Variants in GRAP2 observed in about 807,000 individuals in gnomAD.
GRAP2 encodes GRB2-related adapter protein 2.
Under a neutral mutation model 43.5 loss-of-function variants are expected in GRAP2, and 31 were observed. That is an observed-to-expected ratio of 0.71 (90% confidence interval 0.54 to 0.96). The LOEUF (loss-of-function observed/expected upper bound fraction) is 0.96. Ranked by LOEUF, GRAP2 falls within the 40% of genes least tolerant of loss-of-function variation. The probability of loss-of-function intolerance (pLI) is 0.00; values close to 1 mark genes in which losing one functional copy is unlikely to be tolerated. For missense variants in GRAP2, 371 were observed against 424.4 expected (o/e 0.87, Z 1.11); for synonymous variants, 156 against 164.8 (o/e 0.95, Z 0.41).
chr22:39,929,222 A>G (rs192242806), intron 1 of GRAP2, among the ~76,000 whole-genome samples: 1 of 152,316 alleles, frequency 6.6e-6, no homozygotes, highest in Admixed American at 6.5e-5. Flanking sequence ...GGTGAAGAGT[A>G]CAGGGGACCT....
At chr22:39,943,109 G>A (rs1446767077) in intron 1 of GRAP2, among the ~76,000 whole-genome samples, 1 of 152,170 alleles carries the variant, frequency 6.6e-6, no homozygotes, top group Non-Finnish European at 1.5e-5. Context: ...AGCCAACTTA[G>A]GAGGAGCTGA....
chr22:39,931,646 A>G (rs1392645556), intron 1 of GRAP2, among the ~76,000 whole-genome samples: 1 of 152,160 alleles, frequency 6.6e-6, no homozygotes, highest in African/African-American at 2.4e-5. Flanking sequence ...AGCATGGAAA[A>G]ATTTGACGAG....
intron 1 of GRAP2, among the ~76,000 whole-genome samples, chr22:39,906,459 G>A (rs2066523900): frequency 6.6e-6 from 1 of 152,038 alleles, no homozygotes; most frequent in Non-Finnish European, 1.5e-5. Context: ...AAAAGGGTTC[G>A]ACTGCTGAGT....
At chr22:39,911,621 A>C (rs1378042744) in intron 1 of GRAP2, among the ~76,000 whole-genome samples, 1 of 152,098 alleles carries the variant, frequency 6.6e-6, no homozygotes, top group Non-Finnish European at 1.5e-5. Flanking sequence ...CCCTGAGAGC[A>C]GTTTTTTTGT....
chr22:39,969,671 T>G, intron 7 of GRAP2, 138 bp downstream of exon 7: 1 of 873,144 alleles, frequency 1.1e-6, no homozygotes, highest in East Asian at 3.0e-5. Flanking sequence ...CCCAACACTT[T>G]GGGAGGCCAA....
chr22:39,965,930 C>A, intron 4 of GRAP2, 60 bp from the exon 5 acceptor site: 1 of 1,346,282 alleles, frequency 7.4e-7, no homozygotes, highest in Non-Finnish European at 1.1e-6. Context: ...ATGTGAGCAG[C>A]CTGGAGGTGG....
chr22:39,969,473 A>G lies in GRAP2; in HGVS notation c.753A>G (p.Glu251=). ...DGHCGTGLGS[E]MNAALMHRRH... ...ATTGTGGCACCGGCTTGGGCAGTGA[A>G]ATGAATGCGGCCCTCATGCATCGGA... Residue 251 remains glutamate, a synonymous_variant, in exon 7 of 8, where the codon GAA becomes GAG. Transcript: ENST00000344138. The G allele has an allele frequency of 6.2e-7, 1 of 1,614,062 alleles. No individual in the cohort carries two copies. The highest frequency in any genetic ancestry group is 8.5e-7 in the Non-Finnish European group (1 of 1,179,952).
chr22:39,902,487 T>A lies in GRAP2; in HGVS notation c.-15+1157T>A, dbSNP rs116954000. Among the ~76,000 whole-genome samples, 1,219 of 152,252 alleles carry A rather than the reference T, an allele frequency of 8.0e-3. 12 individuals carry two copies. Among genetic ancestry groups the A allele is most frequent in the Non-Finnish European group, 0.013 (886 of 68,002 alleles). ...CACCTAAGTATATTTAATTTTCAAATACGAAAAAAATCTGACTCATACCCT... is the reference window on the plus strand; with the variant it reads ...CACCTAAGTATATTTAATTTTCAAAAACGAAAAAAATCTGACTCATACCCT... On this transcript the variant is annotated intron_variant, in intron 1 of 7. Coordinates refer to ENST00000344138, the MANE Select transcript of GRAP2 (RefSeq NM_004810.4).
intron 1 of GRAP2, among the ~76,000 whole-genome samples, chr22:39,907,401 A>C (rs546896398): frequency 6.6e-6 from 1 of 152,164 alleles, no homozygotes. Flanking sequence ...CCACCCATAT[A>C]TCCTGAATAG....
intron 1 of GRAP2, among the ~76,000 whole-genome samples, chr22:39,943,450 G>C (rs950229353): frequency 6.6e-6 from 1 of 152,296 alleles, no homozygotes; most frequent in Admixed American, 6.5e-5. Flanking sequence ...TTGCGTGACA[G>C]CTCTTAAAGG....
At chr22:39,946,390 A>T (rs956808184) in intron 1 of GRAP2, among the ~76,000 whole-genome samples, 1 of 152,220 alleles carries the variant, frequency 6.6e-6, no homozygotes, top group African/African-American at 2.4e-5. Flanking sequence ...CGACTCATTT[A>T]TCTTTACATG....
At chr22:39,926,582 G>A (rs921635386) in intron 1 of GRAP2, 3 of 984,642 alleles carry the variant, frequency 3.0e-6, no homozygotes, top group African/African-American at 3.5e-5. Flanking sequence ...GCTCTAGCTG[G>A]GGGTGGGGAA....
At chr22:39,934,222 G>A (rs2145611733) in intron 1 of GRAP2, among the ~76,000 whole-genome samples, 1 of 152,330 alleles carries the variant, frequency 6.6e-6, no homozygotes, top group Non-Finnish European at 1.5e-5. Context: ...ACCCTACAGA[G>A]CAGAATGAGG....
At position 39,967,545 on chromosome 22, in the gene GRAP2, G is replaced by A. The variant is rs566605527; in HGVS notation, c.460-497G>A. Among the ~76,000 whole-genome samples the A allele has an allele frequency of 9.2e-4, 140 of 152,240 alleles. 1 individual carries two copies. Among genetic ancestry groups the A allele is most frequent in the African/African-American group, 3.2e-3 (132 of 41,536 alleles). On this transcript the variant is annotated intron_variant, in intron 5 of 7. Transcript: ENST00000344138. ...AAAAAGGCCTTACTTCTTCCCCCAC[G>A]TCCAGCCCGGCGGCAGGCCTGGTTC...
At chr22:39,954,187 T>A (rs1453781805) in intron 2 of GRAP2, among the ~76,000 whole-genome samples, 1 of 152,182 alleles carries the variant, frequency 6.6e-6, no homozygotes, top group Non-Finnish European at 1.5e-5. Context: ...ATCATCACAC[T>A]TCTATCAGTT....
At position 39,947,078 on chromosome 22, in the gene GRAP2, T is replaced by C. The variant is rs760491962; in HGVS notation, c.-14-15T>C. ...CTGGCAGAGAGGCACAATGACCACA[T>C]TATTTCTCTTCCAGCTTCACGTTAC... On this transcript the variant is annotated splice_polypyrimidine_tract_variant and intron_variant, in intron 1 of 7. Coordinates refer to ENST00000344138, the MANE Select transcript of GRAP2 (RefSeq NM_004810.4). 1 of 1,472,108 alleles carries C rather than the reference T, an allele frequency of 6.8e-7. No individual in the cohort carries two copies. Among genetic ancestry groups the C allele is most frequent in the South Asian group, 1.1e-5 (1 of 88,240 alleles). The allele number at this position is 1,472,108 out of a possible 1,614,324, so 91.2% of individuals were successfully genotyped here. A position where few individuals can be genotyped will look rare whatever the true frequency, so the allele number is the denominator to read the frequency against.
chr22:39,921,002 C>T (rs545240820), intron 1 of GRAP2, among the ~76,000 whole-genome samples: 9 of 149,514 alleles, frequency 6.0e-5, no homozygotes, highest in African/African-American at 2.0e-4. Flanking sequence ...TCTGATGTAA[C>T]GACCTCAAGA....
At position 39,968,247 on chromosome 22, in the gene GRAP2, A is replaced by T. The variant is rs757618890; in HGVS notation, c.665A>T (p.Tyr222Phe). Reference sequence around the variant, plus strand: ...CTGCAGCAGCCCCCACAGCAGCGATATCTGCAGCACCACCATTTCCACCAG... The same window carrying T: ...CTGCAGCAGCCCCCACAGCAGCGATTTCTGCAGCACCACCATTTCCACCAG... ...QQLQQPPQQR[Y>F]LQHHHFHQER... is the part of the protein sequence containing the mutation. Residue 222 changes from tyrosine (Y) to phenylalanine (F), a missense_variant, in exon 6 of 8, where the codon TAT becomes TTT. Tyr to Phe is a conservative substitution (Grantham distance 22). Transcript: ENST00000344138. 6.2e-7 allele frequency: 1 copy of T among 1,610,882 alleles called. No individual in the cohort carries two copies. Among genetic ancestry groups the T allele is most frequent in the South Asian group, 1.1e-5 (1 of 91,022 alleles).
upstream of GRAP2, among the ~76,000 whole-genome samples, chr22:39,899,376 A>G (rs2066478611): frequency 6.6e-6 from 1 of 152,144 alleles, no homozygotes; most frequent in African/African-American, 2.4e-5. Flanking sequence ...CAACCATAGA[A>G]TTTTAGGGAC....
Sources: gnomAD v4.1 joint callset for allele counts (sites outside exome capture counted in the v4.1 genomes callset) on GRCh38, gnomAD v4.1.1 for gene constraint, MANE v1.5 for transcripts, NCBI Gene and HGNC (gene_info 2026-07-23, HGNC 2026-07-21) for gene names.